GRK5: variants seen among roughly 807,000 people sequenced by gnomAD.
GRK5 encodes the protein g protein-coupled receptor kinase GRK5.
Under a neutral mutation model 78.4 loss-of-function variants are expected in GRK5, and 40 were observed. That is an observed-to-expected ratio of 0.51 (90% CI 0.40 to 0.66). The LOEUF (loss-of-function observed/expected upper bound fraction) is 0.66. Among genes scored for constraint, GRK5 ranks in the 30% least tolerant of loss-of-function variants. The probability of loss-of-function intolerance (pLI) is 0.00; values close to 1 mark genes in which losing one functional copy is unlikely to be tolerated. For synonymous variants in GRK5, 289 were observed against 296.8 expected, an observed-to-expected ratio of 0.97 and a Z score of 0.27; for missense variants, 598 against 759.9, an observed-to-expected ratio of 0.79 and a Z score of 2.50.
Position 119,378,619 on chromosome 10 carries a change from G to T in GRK5, c.149-2196G>T, listed in dbSNP as rs941996092. Among the ~76,000 whole-genome samples the T allele has an allele frequency of 6.6e-6, 1 of 152,232 alleles. No individual in the cohort carries two copies. The highest frequency in any genetic ancestry group is 1.5e-5 in the Non-Finnish European group (1 of 68,044). ...GTGTGGTGAATAAATGCCCGGGAGG[G>T]CGGGCTGCCTTCAGGGCTCCTCTCT... On this transcript the variant is annotated intron_variant, in intron 2 of 15. Coordinates refer to ENST00000392870, the MANE Select transcript of GRK5 (RefSeq NM_005308.3). This position sits in a 1 kb window ranked among gnomAD's most constrained non-coding sequence, Gnocchi z 4.5.
chr10:119,384,503 C>T (rs756691870), intron 3 of GRK5, among the ~76,000 whole-genome samples: 13 of 152,108 alleles, frequency 8.5e-5, no homozygotes, highest in Non-Finnish European at 1.8e-4. Context: ...TGATGATGGG[C>T]GAGGTGTTAG....
At chr10:119,226,312 A>ATTTT (rs1848739933) in intron 1 of GRK5, among the ~76,000 whole-genome samples, 1 of 121,982 alleles carries the variant, frequency 8.2e-6, no homozygotes. Flanking sequence ...TTTTAATTTT[A>ATTTT]ATTTTTTTTT....
At chr10:119,287,005 G>A (rs545700825) in intron 1 of GRK5, among the ~76,000 whole-genome samples, 2 of 151,838 alleles carry the variant, frequency 1.3e-5, no homozygotes, top group African/African-American at 2.4e-5. Flanking sequence ...AACAGTGTTC[G>A]CACAGAGCAC....
At chr10:119,426,777 G>A (rs939892487) in intron 6 of GRK5, among the ~76,000 whole-genome samples, 7 of 147,034 alleles carry the variant, frequency 4.8e-5, no homozygotes, top group Non-Finnish European at 1.0e-4. Context: ...TCAGTATACC[G>A]CCATCAACAG....
intron 12 of GRK5, 110 bp downstream of exon 12, chr10:119,443,862 G>C: frequency 1.1e-6 from 1 of 937,106 alleles, no homozygotes; most frequent in South Asian, 1.7e-5. Flanking sequence ...AGGGGTCTGA[G>C]CATGGGGGTG....
intron 2 of GRK5, among the ~76,000 whole-genome samples, chr10:119,344,877 CCTTCCTT>C (rs1564898939): frequency 1.1e-4 from 8 of 72,430 alleles, no homozygotes; most frequent in Non-Finnish European, 2.3e-4. Flanking sequence ...ACCCACCCTT[CCTTCCTT>C]CCTTCCTTCC....
chr10:119,240,259 G>A (rs906206809), intron 1 of GRK5, among the ~76,000 whole-genome samples: 1 of 132,150 alleles, frequency 7.6e-6, no homozygotes, highest in Non-Finnish European at 1.5e-5. Flanking sequence ...GGAGTGCAGT[G>A]GCAGGATCTC....
At chr10:119,335,159 T>TCTCTCTCTCTCTCTCTCTCTCC (rs1850854955) in intron 2 of GRK5, among the ~76,000 whole-genome samples, 1 of 141,070 alleles carries the variant, frequency 7.1e-6, no homozygotes, top group Non-Finnish European at 1.5e-5. Context: ...TCTCTCTCTC[T>TCTCTCTCTCTCTCTCTCTCTCC]CTCTCTCTCT....
chr10:119,348,067 C>T (rs1851128087), intron 2 of GRK5, among the ~76,000 whole-genome samples: 5 of 152,322 alleles, frequency 3.3e-5, no homozygotes, highest in Admixed American at 2.0e-4. Flanking sequence ...GTGTCTCAGT[C>T]GCCAGTGCCC....
intron 1 of GRK5, among the ~76,000 whole-genome samples, chr10:119,248,486 C>T (rs574013567): frequency 1.3e-5 from 2 of 151,968 alleles, no homozygotes; most frequent in South Asian, 4.2e-4. Context: ...TTTATTGAGC[C>T]ATTTCCTCAC....
intron 1 of GRK5, among the ~76,000 whole-genome samples, chr10:119,252,629 T>C (rs143845628): frequency 2.7e-4 from 41 of 152,280 alleles, no homozygotes; most frequent in African/African-American, 9.4e-4. Flanking sequence ...GACTTCCAAC[T>C]AGAACAGTCT....
chr10:119,441,359 G>A (rs868149101), intron 10 of GRK5, among the ~76,000 whole-genome samples: 1 of 152,212 alleles, frequency 6.6e-6, no homozygotes, highest in Non-Finnish European at 1.5e-5. Context: ...TCCTTCCTGT[G>A]GGGTAAGTTG....
chr10:119,418,910 T>A (rs1420881059), intron 4 of GRK5, among the ~76,000 whole-genome samples: 2 of 151,938 alleles, frequency 1.3e-5, no homozygotes, highest in African/African-American at 4.8e-5. Flanking sequence ...GCCCTCACGC[T>A]TGGATTTCTG....
At chr10:119,415,469 A>T (rs574189194) in intron 4 of GRK5, among the ~76,000 whole-genome samples, 4 of 152,282 alleles carry the variant, frequency 2.6e-5, no homozygotes, top group African/African-American at 9.6e-5. Flanking sequence ...GGGGCCGCTG[A>T]TGCTGTGTGG....
intron 1 of GRK5, among the ~76,000 whole-genome samples, chr10:119,220,866 A>G (rs1848647180): frequency 1.5e-5 from 2 of 134,598 alleles, no homozygotes; most frequent in African/African-American, 5.6e-5. Context: ...CACTAAAGAA[A>G]GTCCAGGCCA....
intron 2 of GRK5, among the ~76,000 whole-genome samples, chr10:119,360,796 G>T (rs1851350930): frequency 6.6e-6 from 1 of 152,180 alleles, no homozygotes; most frequent in Non-Finnish European, 1.5e-5. Flanking sequence ...TTTGCTCTGG[G>T]TCATGCTCTG....
chr10:119,221,196 T>C (rs1483962553), intron 1 of GRK5, among the ~76,000 whole-genome samples: 1 of 151,940 alleles, frequency 6.6e-6, no homozygotes. Flanking sequence ...AAAGCATCTC[T>C]CTCTGTCTTC....
At chr10:119,266,371 G>A (rs1251971494) in intron 1 of GRK5, among the ~76,000 whole-genome samples, 2 of 152,022 alleles carry the variant, frequency 1.3e-5, no homozygotes, top group Non-Finnish European at 2.9e-5. Context: ...ACGGGAGAAC[G>A]CTTGAACCCA....
intron 6 of GRK5, among the ~76,000 whole-genome samples, chr10:119,428,815 A>T (rs1267674371): frequency 1.3e-5 from 2 of 152,142 alleles, no homozygotes; most frequent in African/African-American, 2.4e-5. Flanking sequence ...CCTGCACAAG[A>T]TCCTGCCTGG....
Sources: allele counts gnomAD v4.1 joint callset (sites outside exome capture counted in the v4.1 genomes callset), GRCh38; gene constraint gnomAD v4.1.1; non-coding constraint Gnocchi (gnomAD v3.1); transcripts MANE v1.5; gene names NCBI Gene and HGNC (gene_info 2026-07-23, HGNC 2026-07-21).